Variants in CACNG4 observed in about 807,000 individuals in gnomAD.
CACNG4 encodes voltage-dependent calcium channel gamma-4 subunit.
In CACNG4, 8 loss-of-function variants were observed where a neutral mutation model predicts 22.9. The ratio of observed to expected loss-of-function variants is 0.35; its 90% CI spans 0.21 to 0.63. CACNG4 has a LOEUF of 0.63. CACNG4 is among the 30% of genes least tolerant of loss of function. The pLI, the probability that CACNG4 is intolerant of heterozygous loss-of-function variation, is 0.72. For missense variants in CACNG4, 357 were observed against 455.4 expected, an observed-to-expected ratio of 0.78 and a Z score of 1.97; for synonymous variants, 188 against 191.9, an observed-to-expected ratio of 0.98 and a Z score of 0.17.
intron 1 of CACNG4, among the ~76,000 whole-genome samples, chr17:66,977,601 G>A (rs892514131): frequency 6.6e-6 from 1 of 152,312 alleles, no homozygotes; most frequent in East Asian, 1.9e-4. Flanking sequence ...TGATCAGAAC[G>A]ATTAAATGAG....
Position 67,027,610 on chromosome 17 carries a change from T to C in CACNG4, c.445+2610T>C, listed in dbSNP as rs1004035177. On this transcript the variant is annotated intron_variant, in intron 3 of 3. Transcript: ENST00000262138. The surrounding 1 kb of genome is among the most constrained non-coding windows in gnomAD (Gnocchi z 4.3). ...GAAAGTCAGAAGAAGACACAAGACT[T>C]CTCTGGGAAACTGGAATTCATGGAG... 1.6e-4 allele frequency among the ~76,000 whole-genome samples: 25 copies of C among 152,136 alleles called. 1 individual carries two copies. The highest frequency in any genetic ancestry group is 1.6e-3 in the Admixed American group (24 of 15,268).
intron 1 of CACNG4, among the ~76,000 whole-genome samples, chr17:66,968,424 CTCTCCTCTCT>C (rs1302392100): frequency 6.7e-6 from 1 of 149,874 alleles, no homozygotes; most frequent in Non-Finnish European, 1.5e-5. Flanking sequence ...TTTTCTCCTC[CTCTCCTCTCT>C]TCTCCCCTCC....
At chr17:66,975,496 TA>T in intron 1 of CACNG4, among the ~76,000 whole-genome samples, 1 of 152,304 alleles carries the variant, frequency 6.6e-6, no homozygotes, top group East Asian at 1.9e-4. Flanking sequence ...AGGAGCATCA[TA>T]GAATCAACCC....
chr17:67,007,469 C>T (rs1196716909), intron 1 of CACNG4, among the ~76,000 whole-genome samples: 6 of 152,160 alleles, frequency 3.9e-5, no homozygotes, highest in Non-Finnish European at 1.5e-5. Context: ...TTAGCCTTCT[C>T]AAGGTTTCTT....
At chr17:67,003,849 C>A (rs1194396558) in intron 1 of CACNG4, among the ~76,000 whole-genome samples, 1 of 152,210 alleles carries the variant, frequency 6.6e-6, no homozygotes, top group African/African-American at 2.4e-5. Flanking sequence ...CACCAATCAG[C>A]TTATCACCAT....
At position 67,027,665 on chromosome 17, in the gene CACNG4, G is replaced by A. The variant is rs979010651; in HGVS notation, c.445+2665G>A. Among the ~76,000 whole-genome samples, 17 of 152,180 alleles carry A rather than the reference G, an allele frequency of 1.1e-4. No individual in the cohort carries two copies. Among genetic ancestry groups the A allele is most frequent in the African/African-American group, 4.1e-4 (17 of 41,450 alleles). ...TATTTAAGAAACCCTTTTCCAACTC[G>A]TGCTGAATACAGAGAGGGGAAGAAA... On this transcript the variant is annotated intron_variant, in intron 3 of 3. Coordinates refer to ENST00000262138, the MANE Select transcript of CACNG4 (RefSeq NM_014405.4). This position sits in a 1 kb window ranked among gnomAD's most constrained non-coding sequence, Gnocchi z 4.3.
At chr17:66,982,071 C>G (rs760467761) in intron 1 of CACNG4, among the ~76,000 whole-genome samples, 2 of 152,092 alleles carry the variant, frequency 1.3e-5, no homozygotes, top group Non-Finnish European at 2.9e-5. Flanking sequence ...AAGCCATGGA[C>G]GTTTGCGGTG....
intron 1 of CACNG4, among the ~76,000 whole-genome samples, chr17:66,970,786 CAT>C (rs1454441479): frequency 5.3e-5 from 8 of 152,234 alleles, no homozygotes; most frequent in Non-Finnish European, 7.3e-5. Flanking sequence ...GGCACACAGA[CAT>C]GTGTCCATCA....
In CACNG4 at chr17:67,031,587, T is replaced by C. The variant is rs774783557; in HGVS notation, c.*583T>C. The C allele has an allele frequency of 8.3e-5, 38 of 456,796 alleles. No homozygotes were observed. Among genetic ancestry groups the C allele is most frequent in the Non-Finnish European group, 3.5e-5 (8 of 227,014 alleles). 28.3% of individuals were successfully genotyped at this position (456,796 alleles called of 1,614,324 possible). A position where few individuals can be genotyped will look rare whatever the true frequency, so the allele number is the denominator to read the frequency against. ...TGGCCTATGATCCTGAAGACAGCTCTGCAGCCAACTGGTGCTTTGGCCTTT... is the reference window on the plus strand; with the variant it reads ...TGGCCTATGATCCTGAAGACAGCTCCGCAGCCAACTGGTGCTTTGGCCTTT... On this transcript the variant is annotated 3_prime_UTR_variant, in exon 4 of 4. Transcript: ENST00000262138. This position sits in a 1 kb window ranked among gnomAD's most constrained non-coding sequence, Gnocchi z 4.0.
intron 1 of CACNG4, among the ~76,000 whole-genome samples, chr17:67,009,397 C>T (rs190860912): frequency 5.2e-4 from 79 of 152,252 alleles, no homozygotes; most frequent in Non-Finnish European, 8.4e-4. Context: ...GGATAGGAGC[C>T]AGTGTCTCCC....
At chr17:67,000,426 T>C (rs560491067) in intron 1 of CACNG4, among the ~76,000 whole-genome samples, 1 of 151,646 alleles carries the variant, frequency 6.6e-6, no homozygotes, top group Admixed American at 6.6e-5. Flanking sequence ...TTTTTTTTTT[T>C]AAATGCAAGC....
chr17:66,967,296 CTG>C (rs2035176623), intron 1 of CACNG4, among the ~76,000 whole-genome samples: 1 of 152,248 alleles, frequency 6.6e-6, no homozygotes, highest in East Asian at 1.9e-4. Flanking sequence ...ACTGGGCTGC[CTG>C]TGTTATTCCC....
chr17:67,029,452 A>C (rs1567761038), intron 3 of CACNG4, among the ~76,000 whole-genome samples: 1 of 146,890 alleles, frequency 6.8e-6, no homozygotes, highest in Non-Finnish European at 1.5e-5. Context: ...TAACGTGATA[A>C]AATCCCGTCT....
chr17:66,987,307 C>T (rs1468502541), intron 1 of CACNG4, among the ~76,000 whole-genome samples: 1 of 152,070 alleles, frequency 6.6e-6, no homozygotes, highest in African/African-American at 2.4e-5. Context: ...TTCCCAGACC[C>T]TCATTTCCTT....
chr17:67,029,359 T>C (rs1179231877), intron 3 of CACNG4, among the ~76,000 whole-genome samples: 2 of 149,578 alleles, frequency 1.3e-5, no homozygotes, highest in African/African-American at 5.0e-5. Flanking sequence ...AGGCCGGGTG[T>C]GGTGGCTCAC....
At chr17:66,979,214 CTT>C (rs1457294854) in intron 1 of CACNG4, among the ~76,000 whole-genome samples, 3 of 152,222 alleles carry the variant, frequency 2.0e-5, no homozygotes, top group Non-Finnish European at 2.9e-5. Context: ...TCTCGTCCCT[CTT>C]TCTCTCCTTT....
chr17:66,990,647 C>T (rs1883642981), intron 1 of CACNG4, among the ~76,000 whole-genome samples: 1 of 148,522 alleles, frequency 6.7e-6, no homozygotes, highest in Non-Finnish European at 1.5e-5. Context: ...TCTAAGTCTC[C>T]TTATTTTATT....
chr17:67,013,871 C>T (rs749879278), intron 1 of CACNG4, among the ~76,000 whole-genome samples: 4 of 152,080 alleles, frequency 2.6e-5, no homozygotes, highest in African/African-American at 9.7e-5. Flanking sequence ...GGGATATACA[C>T]GTGTGCAGAC....
intron 1 of CACNG4, among the ~76,000 whole-genome samples, chr17:67,006,799 G>T (rs1462557680): frequency 6.6e-6 from 1 of 152,190 alleles, no homozygotes; most frequent in East Asian, 1.9e-4. Flanking sequence ...GATTGAGTGG[G>T]TGAACCTTGT....
Sources: allele counts gnomAD v4.1 joint callset (sites outside exome capture counted in the v4.1 genomes callset), GRCh38; gene constraint gnomAD v4.1.1; non-coding constraint Gnocchi (gnomAD v3.1); transcripts MANE v1.5; gene names NCBI Gene and HGNC (gene_info 2026-07-23, HGNC 2026-07-21).